Variants in MAGI2 observed in about 807,000 individuals in gnomAD.
The protein encoded by MAGI2 is membrane-associated guanylate kinase, WW and PDZ domain-containing protein 2.
A neutral mutation model predicts 133.3 loss-of-function variants in MAGI2; 35 were observed. That is an observed-to-expected ratio of 0.26 (90% CI 0.20 to 0.35). MAGI2 has a LOEUF of 0.35. MAGI2 is among the 10% of genes least tolerant of loss of function. The pLI is 1.00. For synonymous variants in MAGI2, 729 were observed against 710.6 expected (o/e 1.03, Z -0.41); for missense variants, 1,636 against 1,863.4 (o/e 0.88, Z 2.25).
intron 1 of MAGI2, among the ~76,000 whole-genome samples, chr7:79,374,322 C>CCACACAAACA (rs1843240429): frequency 8.4e-6 from 1 of 118,856 alleles, no homozygotes; most frequent in Non-Finnish European, 1.7e-5. Flanking sequence ...GGACACACAC[C>CCACACAAACA]CACACAAACA....
chr7:79,236,404 A>C (rs1563029474), intron 1 of MAGI2, among the ~76,000 whole-genome samples: 1 of 152,234 alleles, frequency 6.6e-6, no homozygotes, highest in African/African-American at 2.4e-5. Flanking sequence ...GGTTAGCATG[A>C]GGGATTGGAA....
intron 2 of MAGI2, among the ~76,000 whole-genome samples, chr7:78,869,598 T>C (rs1234560140): frequency 1.3e-5 from 2 of 152,150 alleles, no homozygotes; most frequent in African/African-American, 2.4e-5. Flanking sequence ...CCTCAGGAAA[T>C]TGACAATCAT....
At chr7:78,679,046 A>T (rs1293943105) in intron 2 of MAGI2, among the ~76,000 whole-genome samples, 2 of 152,154 alleles carry the variant, frequency 1.3e-5, no homozygotes, top group Non-Finnish European at 2.9e-5. Context: ...ATTCCTGCTT[A>T]ACTCCTAAAC....
intron 1 of MAGI2, among the ~76,000 whole-genome samples, chr7:79,214,442 TAAA>T (rs1563003706): frequency 1.4e-4 from 16 of 110,640 alleles, no homozygotes; most frequent in Non-Finnish European, 2.1e-4. Flanking sequence ...TATATATATA[TAAA>T]TATGCACACA....
chr7:79,192,287 T>C (rs917816646), intron 1 of MAGI2, among the ~76,000 whole-genome samples: 16 of 151,944 alleles, frequency 1.1e-4, no homozygotes, highest in Non-Finnish European at 1.8e-4. Context: ...AATTTTTATC[T>C]GTTTTGTTCA....
At chr7:79,111,457 T>C (rs2129543926) in intron 1 of MAGI2, among the ~76,000 whole-genome samples, 1 of 152,354 alleles carries the variant, frequency 6.6e-6, no homozygotes, top group Non-Finnish European at 1.5e-5. Flanking sequence ...TCATTTTTGG[T>C]ATTTTAGAAA....
intron 1 of MAGI2, among the ~76,000 whole-genome samples, chr7:79,378,315 G>A (rs752322694): frequency 6.6e-5 from 10 of 151,806 alleles, no homozygotes; most frequent in Non-Finnish European, 7.4e-5. Flanking sequence ...TTGTCTAACT[G>A]CTTCCCAATA....
At chr7:78,486,006 T>A (rs1792959551) in intron 6 of MAGI2, 1 of 152,062 alleles carries the variant, frequency 6.6e-6, no homozygotes. Context: ...TCTAAGATTC[T>A]CAAAAGGGAA....
intron 1 of MAGI2, among the ~76,000 whole-genome samples, chr7:79,178,711 C>CAA (rs946908429): frequency 7.4e-6 from 1 of 135,470 alleles, no homozygotes; most frequent in Admixed American, 7.4e-5. Flanking sequence ...GACTCCATTT[C>CAA]AAAAAAAAAA....
intron 20 of MAGI2, among the ~76,000 whole-genome samples, chr7:78,106,060 A>G (rs1818656552): frequency 1.3e-5 from 2 of 152,010 alleles, no homozygotes; most frequent in Non-Finnish European, 2.9e-5. Flanking sequence ...CTCTGTCTAC[A>G]TGAGTTCAAT....
At chr7:78,471,650 G>C (rs1298418152) in intron 6 of MAGI2, among the ~76,000 whole-genome samples, 2 of 152,068 alleles carry the variant, frequency 1.3e-5, no homozygotes, top group African/African-American at 4.8e-5. Flanking sequence ...GGAGGGGCTG[G>C]GCTTGTGGCT....
chr7:78,206,832 T>C (rs1308271072), intron 10 of MAGI2, among the ~76,000 whole-genome samples: 1 of 152,228 alleles, frequency 6.6e-6, no homozygotes, highest in African/African-American at 2.4e-5. Context: ...GGGAAACACT[T>C]TCTAGTTCTC....
chr7:79,448,117 C>T (rs1040204067), intron 1 of MAGI2, among the ~76,000 whole-genome samples: 1 of 151,588 alleles, frequency 6.6e-6, no homozygotes, highest in African/African-American at 2.4e-5. Context: ...ATGAAGAAAA[C>T]AAATTACTAT....
At chr7:78,280,740 G>T (rs539213693) in intron 9 of MAGI2, among the ~76,000 whole-genome samples, 7 of 149,078 alleles carry the variant, frequency 4.7e-5, no homozygotes, top group African/African-American at 1.5e-4. Context: ...GACAGTCAGG[G>T]ACTACAACAA....
chr7:79,105,615 C>CTGCTTCT (rs1818386160), intron 1 of MAGI2, among the ~76,000 whole-genome samples: 1 of 152,152 alleles, frequency 6.6e-6, no homozygotes, highest in African/African-American at 2.4e-5. Flanking sequence ...TGTCCTACCA[C>CTGCTTCT]CAGCTGTTAT....
chr7:78,025,692 G>C (rs1009922864), intron 21 of MAGI2, among the ~76,000 whole-genome samples: 7 of 152,176 alleles, frequency 4.6e-5, no homozygotes, highest in African/African-American at 1.7e-4. Flanking sequence ...TGGTGAAATG[G>C]TAATGTGTAT....
chr7:78,656,919 T>C (rs938903762), intron 2 of MAGI2, among the ~76,000 whole-genome samples: 9 of 148,756 alleles, frequency 6.1e-5, no homozygotes, highest in African/African-American at 1.2e-4. Flanking sequence ...GTGTATATGA[T>C]AAATAACTGT....
intron 1 of MAGI2, among the ~76,000 whole-genome samples, chr7:79,345,881 C>T (rs1403129081): frequency 6.6e-6 from 1 of 152,008 alleles, no homozygotes; most frequent in Non-Finnish European, 1.5e-5. Flanking sequence ...CACCCCTTAT[C>T]CATTATTTCC....
At chr7:78,667,555 A>T (rs1339465431) in intron 2 of MAGI2, among the ~76,000 whole-genome samples, 1 of 92,246 alleles carries the variant, frequency 1.1e-5, no homozygotes, top group Non-Finnish European at 2.1e-5. Context: ...CCCACCCCAC[A>T]ACAGTCCCCA....
Sources: allele counts gnomAD v4.1 joint callset (sites outside exome capture counted in the v4.1 genomes callset), GRCh38; gene constraint gnomAD v4.1.1; transcripts MANE v1.5; gene names NCBI Gene and HGNC (gene_info 2026-07-23, HGNC 2026-07-21).